Variants in IQSEC1 observed in about 807,000 individuals in gnomAD.
IQSEC1 encodes IQ motif and Sec7 domain ArfGEF 1.
IQSEC1 carries 31 observed loss-of-function variants against 91.0 expected under a neutral mutation model. The observed-to-expected ratio is 0.34, with a 90% CI of 0.26 to 0.46. The LOEUF is 0.46. Ranked by LOEUF, IQSEC1 falls within the 20% of genes least tolerant of loss-of-function variation. The probability of loss-of-function intolerance (pLI) is 1.00; values close to 1 mark genes in which losing one functional copy is unlikely to be tolerated. For missense variants in IQSEC1, 1,388 were observed against 1,575.6 expected (o/e 0.88, Z 2.02); for synonymous variants, 699 against 662.6 (o/e 1.05, Z -0.84).
intron 4 of IQSEC1, among the ~76,000 whole-genome samples, chr3:12,923,555 G>A (rs906978548): frequency 3.9e-5 from 6 of 152,226 alleles, no homozygotes; most frequent in South Asian, 2.1e-4. Context: ...GGTGTGGGAC[G>A]GGGACTACAT....
intron 2 of IQSEC1, among the ~76,000 whole-genome samples, chr3:13,100,168 C>G (rs552183580): frequency 6.8e-6 from 1 of 147,764 alleles, no homozygotes; most frequent in Non-Finnish European, 1.5e-5. Flanking sequence ...GGAGAGACTC[C>G]GTGGTCCTAA....
At chr3:13,120,680 AGG>A (rs1345960968) in intron 2 of IQSEC1, among the ~76,000 whole-genome samples, 1 of 152,150 alleles carries the variant, frequency 6.6e-6, no homozygotes, top group Non-Finnish European at 1.5e-5. Context: ...CCAAGGGAGG[AGG>A]GCCGAGCAAC....
At chr3:13,199,925 C>T (rs535931879) in intron 1 of IQSEC1, among the ~76,000 whole-genome samples, 1 of 149,030 alleles carries the variant, frequency 6.7e-6, no homozygotes, top group Non-Finnish European at 1.5e-5. Context: ...CCACACACCA[C>T]GCACGTCACA....
intron 1 of IQSEC1, among the ~76,000 whole-genome samples, chr3:13,264,661 G>A (rs1420709967): frequency 6.6e-6 from 1 of 152,088 alleles, no homozygotes; most frequent in Non-Finnish European, 1.5e-5. Flanking sequence ...TGGCAGGCTC[G>A]CGAAGCAAGT....
chr3:13,005,323 C>T (rs550136663), intron 1 of IQSEC1, among the ~76,000 whole-genome samples: 3 of 152,078 alleles, frequency 2.0e-5, no homozygotes, highest in Non-Finnish European at 4.4e-5. Flanking sequence ...GGGTGGAGAC[C>T]GCAGCCCAGG....
At chr3:12,984,251 A>G (rs1281038150) in intron 1 of IQSEC1, among the ~76,000 whole-genome samples, 1 of 152,208 alleles carries the variant, frequency 6.6e-6, no homozygotes, top group Non-Finnish European at 1.5e-5. Flanking sequence ...ACAACTGAGC[A>G]CAGGAGGACC....
intron 2 of IQSEC1, among the ~76,000 whole-genome samples, chr3:13,102,236 T>C (rs1576250822): frequency 6.6e-6 from 1 of 152,126 alleles, no homozygotes; most frequent in Admixed American, 6.5e-5. Flanking sequence ...GAGTCAGTGA[T>C]GGAGCCACTG....
chr3:13,249,762 A>G (rs1040935578), intron 1 of IQSEC1, among the ~76,000 whole-genome samples: 26 of 152,208 alleles, frequency 1.7e-4, no homozygotes, highest in Non-Finnish European at 3.5e-4. Flanking sequence ...GCACAAGCAC[A>G]GGAGCAGACT....
In IQSEC1 at chr3:12,901,389, G is replaced by A; in HGVS notation, c.2939C>T (p.Pro980Leu). The A allele has an allele frequency of 3.2e-6, 5 of 1,542,948 alleles. No homozygotes were observed. The highest frequency in any genetic ancestry group is 4.4e-6 in the Non-Finnish European group (5 of 1,145,080). The change falls in exon 14 of 14, where the codon CCC becomes CTC. Residue 980 changes from proline (P) to leucine (L), a missense_variant. This residue lies in a region of IQSEC1 where 329 missense variants were observed against 257.8 expected (regional missense o/e 1.28). Coordinates refer to ENST00000613206, the MANE Select transcript of IQSEC1 (RefSeq NM_001134382.3). ...GSLFGSKRGK[P>L]PPQAHLPSAP... is the part of the protein sequence containing the mutation. ...TGAGGGCAGGTGGGCCTGGGGAGGG[G>A]GCTTCCCTCTCTTGCTCCCGAATAA...
At chr3:13,222,550 C>T (rs1350227662) in intron 1 of IQSEC1, among the ~76,000 whole-genome samples, 4 of 152,182 alleles carry the variant, frequency 2.6e-5, no homozygotes, top group African/African-American at 4.8e-5. Context: ...ACCACCACAC[C>T]GTTTCCCACG....
At chr3:12,952,954 G>A (rs1699656179) in intron 1 of IQSEC1, among the ~76,000 whole-genome samples, 1 of 152,260 alleles carries the variant, frequency 6.6e-6, no homozygotes, top group South Asian at 2.1e-4. Flanking sequence ...CCTGGCCGGA[G>A]GAAGAGGTCG....
intron 2 of IQSEC1, among the ~76,000 whole-genome samples, chr3:13,146,712 C>T (rs538048370): frequency 1.3e-4 from 20 of 152,264 alleles, no homozygotes; most frequent in East Asian, 7.7e-4. Flanking sequence ...TGATGGGGGA[C>T]GCCTGTAATC....
intron 1 of IQSEC1, among the ~76,000 whole-genome samples, chr3:13,019,957 C>G (rs879733930): frequency 6.6e-6 from 1 of 152,194 alleles, no homozygotes; most frequent in Non-Finnish European, 1.5e-5. Context: ...CTCTGTGAGG[C>G]GGTGCTGCTT....
chr3:13,076,560 C>T (rs1227397488), upstream of IQSEC1, among the ~76,000 whole-genome samples: 3 of 152,178 alleles, frequency 2.0e-5, no homozygotes, highest in Non-Finnish European at 4.4e-5. Context: ...GTCCACAGAT[C>T]TGACAGTCAC....
intron 1 of IQSEC1, among the ~76,000 whole-genome samples, chr3:12,956,995 GCTCAACGCC>G (rs1699951099): frequency 6.6e-6 from 1 of 152,216 alleles, no homozygotes; most frequent in Non-Finnish European, 1.5e-5. Context: ...GAGAGGAAAG[GCTCAACGCC>G]CTTAACTCCT....
At chr3:13,215,405 G>A (rs973767321) in intron 1 of IQSEC1, among the ~76,000 whole-genome samples, 1 of 151,792 alleles carries the variant, frequency 6.6e-6, no homozygotes, top group African/African-American at 2.4e-5. Context: ...TTCAGGCTCT[G>A]GCCATGCCAG....
intron 1 of IQSEC1, among the ~76,000 whole-genome samples, chr3:13,000,404 G>A (rs181058230): frequency 1.2e-4 from 18 of 152,192 alleles, no homozygotes; most frequent in Admixed American, 1.0e-3. Flanking sequence ...CATCTTCTTG[G>A]CTCCCACAGT....
chr3:12,947,509 GCA>G (rs1699263333), intron 1 of IQSEC1, among the ~76,000 whole-genome samples: 1 of 151,406 alleles, frequency 6.6e-6, no homozygotes, highest in African/African-American at 2.4e-5. Context: ...CAGTCCATCT[GCA>G]CCATGGAGGA....
chr3:13,108,768 C>CAA (rs1706194099), intron 2 of IQSEC1, among the ~76,000 whole-genome samples: 1 of 152,126 alleles, frequency 6.6e-6, no homozygotes, highest in African/African-American at 2.4e-5. Context: ...ATCAGTGAAT[C>CAA]AAAAAGGGTA....
Sources: gnomAD v4.1 joint callset for allele counts (sites outside exome capture counted in the v4.1 genomes callset) on GRCh38, gnomAD v4.1.1 for gene constraint, gnomAD v4.1.1 regional missense constraint, MANE v1.5 for transcripts, NCBI Gene and HGNC (gene_info 2026-07-23, HGNC 2026-07-21) for gene names.